Variants in INPP4B observed in about 807,000 individuals in gnomAD.
INPP4B encodes inositol polyphosphate-4-phosphatase type II B, also known as inositol polyphosphate 4-phosphatase type II.
INPP4B carries 55 observed loss-of-function variants against 122.5 expected under a neutral mutation model. The ratio of observed to expected loss-of-function variants is 0.45; its 90% CI spans 0.36 to 0.56. The LOEUF (loss-of-function observed/expected upper bound fraction) is 0.56, where lower values mean the gene tolerates loss of function less well. Among genes scored for constraint, INPP4B ranks in the 20% least tolerant of loss-of-function variants. The probability of loss-of-function intolerance (pLI) is 0.00; values close to 1 mark genes in which losing one functional copy is unlikely to be tolerated. For synonymous variants in INPP4B, 403 were observed against 388.7 expected (o/e 1.04, Z -0.43); for missense variants, 1,000 against 1,097.7 (o/e 0.91, Z 1.26).
chr4:142,707,195 T>C (rs377307402), intron 2 of INPP4B, among the ~76,000 whole-genome samples: 3 of 152,194 alleles, frequency 2.0e-5, no homozygotes, highest in Non-Finnish European at 4.4e-5. Context: ...CTAATTCATA[T>C]AGAAACTCAG....
intron 2 of INPP4B, among the ~76,000 whole-genome samples, chr4:142,679,950 G>A (rs1758387569): frequency 6.6e-6 from 1 of 151,634 alleles, no homozygotes; most frequent in African/African-American, 2.4e-5. Context: ...AGAGACTTAA[G>A]CAATTAAATT....
intron 7 of INPP4B, among the ~76,000 whole-genome samples, chr4:142,367,291 T>C (rs535803937): frequency 6.6e-6 from 1 of 151,648 alleles, no homozygotes; most frequent in Admixed American, 6.6e-5. Flanking sequence ...TTAGATGAAG[T>C]AGGTTAAAGA....
chr4:142,248,771 G>A (rs1479794101), intron 11 of INPP4B, among the ~76,000 whole-genome samples: 2 of 151,954 alleles, frequency 1.3e-5, no homozygotes. Context: ...GGCACATTCA[G>A]CAGGACTGGA....
rs2149358525 is a variant in INPP4B, at chr4:142,193,134, A to T, written c.1134T>A (p.Asn378Lys). ...TATGGAGTAGCTTCCGAAGACCACC[A>T]TTCTTAAATCCCTGAAAATGGGCAG... ...APAAHFQGFKNGGLRKLLHRF... is the reference protein window; with the variant it reads ...APAAHFQGFKKGGLRKLLHRF... The change falls in exon 15 of 26, where the codon AAT becomes AAA. Residue 378 changes from asparagine to lysine, a missense_variant. Coordinates refer to ENST00000262992, the MANE Select transcript of INPP4B (RefSeq NM_001101669.3). 1 of 1,613,194 alleles carries T rather than the reference A, an allele frequency of 6.2e-7. No individual in the cohort carries two copies. The highest frequency in any genetic ancestry group is 8.5e-7 in the Non-Finnish European group (1 of 1,179,230).
chr4:142,222,056 C>T (rs776384912), intron 12 of INPP4B, among the ~76,000 whole-genome samples: 4 of 152,106 alleles, frequency 2.6e-5, no homozygotes, highest in Non-Finnish European at 4.4e-5. Context: ...GCCTCCTGGG[C>T]TCAAGCCATT....
At chr4:142,589,562 T>C (rs1212899085) in intron 2 of INPP4B, among the ~76,000 whole-genome samples, 1 of 152,018 alleles carries the variant, frequency 6.6e-6, no homozygotes, top group East Asian at 1.9e-4. Flanking sequence ...AATTTCAAAT[T>C]AAAACAACAA....
chr4:142,167,207 C>T (rs1437829337), intron 16 of INPP4B, among the ~76,000 whole-genome samples: 1 of 151,314 alleles, frequency 6.6e-6, no homozygotes, highest in African/African-American at 2.4e-5. Context: ...GAATACTACA[C>T]AGTTATAAAA....
intron 23 of INPP4B, among the ~76,000 whole-genome samples, chr4:142,098,039 G>A (rs190111273): frequency 1.4e-4 from 21 of 152,142 alleles, no homozygotes; most frequent in Non-Finnish European, 7.3e-5. Flanking sequence ...GTTCCAGCGG[G>A]CAAGAGATTG....
chr4:142,105,496 G>A (rs1343128881), intron 23 of INPP4B, among the ~76,000 whole-genome samples: 1 of 152,100 alleles, frequency 6.6e-6, no homozygotes, highest in Admixed American at 6.6e-5. Context: ...AGAATATTTA[G>A]TCCACAAATG....
chr4:142,290,476 G>T (rs572713806), intron 9 of INPP4B, among the ~76,000 whole-genome samples: 1 of 151,982 alleles, frequency 6.6e-6, no homozygotes, highest in Non-Finnish European at 1.5e-5. Context: ...AAAGTGCTGG[G>T]ATTACAGGCG....
chr4:142,636,162 G>A (rs1749116513), intron 2 of INPP4B, among the ~76,000 whole-genome samples: 1 of 152,114 alleles, frequency 6.6e-6, no homozygotes, highest in South Asian at 2.1e-4. Context: ...GCCCTGTGAA[G>A]AGGTGACTTC....
intron 7 of INPP4B, among the ~76,000 whole-genome samples, chr4:142,321,564 C>A (rs562865906): frequency 6.6e-6 from 1 of 152,054 alleles, no homozygotes; most frequent in Non-Finnish European, 1.5e-5. Flanking sequence ...GATTTCAGGT[C>A]TTAGATTTAA....
In INPP4B at chr4:142,405,203, C is replaced by T. The variant is rs753783427; in HGVS notation, c.255+3G>A. 3 of 1,547,600 alleles carry T rather than the reference C, an allele frequency of 1.9e-6. No homozygotes were observed. The African/African-American group carries it at 4.1e-5, about 21-fold the overall frequency. On this transcript the variant is annotated splice_donor_region_variant and intron_variant, in intron 6 of 25. Coordinates refer to ENST00000262992, the MANE Select transcript of INPP4B (RefSeq NM_001101669.3). ...AGATTAATGTAGGCACACAGCATCT[C>T]ACCTCCACAATTTCGGTGCTGGAGT...
At chr4:142,619,666 T>C (rs574300233) in intron 2 of INPP4B, among the ~76,000 whole-genome samples, 1 of 152,072 alleles carries the variant, frequency 6.6e-6, no homozygotes, top group African/African-American at 2.4e-5. Context: ...TATGCAAGGT[T>C]ATTAAGTTCT....
chr4:142,563,819 C>T (rs1730982202), intron 2 of INPP4B, among the ~76,000 whole-genome samples: 1 of 152,190 alleles, frequency 6.6e-6, no homozygotes, highest in Non-Finnish European at 1.5e-5. Flanking sequence ...CAAGTCCAGT[C>T]TAGCCTTCCA....
chr4:142,486,050 T>A (rs1169180855), intron 2 of INPP4B, among the ~76,000 whole-genome samples: 1 of 152,032 alleles, frequency 6.6e-6, no homozygotes, highest in East Asian at 1.9e-4. Context: ...TCCCTCTCCA[T>A]TAGCTGAATG....
intron 18 of INPP4B, among the ~76,000 whole-genome samples, chr4:142,139,214 CA>C (rs1282882819): frequency 6.6e-6 from 1 of 152,200 alleles, no homozygotes; most frequent in African/African-American, 2.4e-5. Context: ...CTTTTCCAAC[CA>C]ATACAAATTT....
At position 142,793,716 on chromosome 4, in the gene INPP4B, G is replaced by A. The variant is rs533362538; in HGVS notation, c.-254+52493C>T. ...TAGGATTAATAAAACATTTTAGAAG[G>A]GTTACTGAAAACAAAACAATATAAA... On this transcript the variant is annotated intron_variant, in intron 1 of 25. Coordinates refer to ENST00000262992, the MANE Select transcript of INPP4B (RefSeq NM_001101669.3). Among the ~76,000 whole-genome samples, 9 of 151,760 alleles carry A rather than the reference G, an allele frequency of 5.9e-5. No individual in the cohort carries two copies. The South Asian group carries it at 1.9e-3, about 32-fold the overall frequency.
intron 1 of INPP4B, among the ~76,000 whole-genome samples, chr4:142,770,510 C>T (rs962404825): frequency 1.3e-5 from 2 of 151,964 alleles, no homozygotes; most frequent in African/African-American, 4.8e-5. Context: ...TCTTCATCTC[C>T]TCTATTAAGT....
Sources: allele counts gnomAD v4.1 joint callset (sites outside exome capture counted in the v4.1 genomes callset), GRCh38; gene constraint gnomAD v4.1.1; transcripts MANE v1.5; gene names NCBI Gene and HGNC (gene_info 2026-07-23, HGNC 2026-07-21).